Variants in CTNND2 observed in about 807,000 individuals in gnomAD.
CTNND2 encodes catenin delta-2.
A neutral mutation model predicts 144.4 loss-of-function variants in CTNND2; 22 were observed. The ratio of observed to expected loss-of-function variants is 0.15; its 90% CI spans 0.11 to 0.22. The LOEUF (loss-of-function observed/expected upper bound fraction) is 0.22, where lower values mean the gene tolerates loss of function less well. CTNND2 is among the 10% of genes least tolerant of loss of function. The pLI, the probability that CTNND2 is intolerant of heterozygous loss-of-function variation, is 1.00. For missense variants in CTNND2, 1,353 were observed against 1,618.8 expected (o/e 0.84, Z 2.82); for synonymous variants, 751 against 695.6 (o/e 1.08, Z -1.25).
At chr5:11,250,491 C>CTCTCTCTATATATA (rs869141186) in intron 9 of CTNND2, among the ~76,000 whole-genome samples, 119 of 64,082 alleles carry the variant, frequency 1.9e-3, no homozygotes, top group African/African-American at 7.3e-3. Flanking sequence ...CTCTCTCTCT[C>CTCTCTCTATATATA]TATATATATA....
At chr5:11,079,114 T>C (rs1481269655) in intron 16 of CTNND2, among the ~76,000 whole-genome samples, 3 of 152,246 alleles carry the variant, frequency 2.0e-5, no homozygotes, top group Non-Finnish European at 4.4e-5. Flanking sequence ...TACCACTATC[T>C]GTAATTTGGA....
At chr5:11,299,535 A>G (rs1197483448) in intron 9 of CTNND2, among the ~76,000 whole-genome samples, 1 of 152,142 alleles carries the variant, frequency 6.6e-6, no homozygotes, top group Non-Finnish European at 1.5e-5. Context: ...CACCTCTCAC[A>G]GGCCCTCTGA....
intron 1 of CTNND2, among the ~76,000 whole-genome samples, chr5:11,807,597 G>A (rs1171149938): frequency 6.6e-6 from 1 of 152,096 alleles, no homozygotes; most frequent in Non-Finnish European, 1.5e-5. Flanking sequence ...TTGGCAATCT[G>A]GAAAAAATGT....
chr5:11,003,340 A>G (rs1286571180), intron 18 of CTNND2, among the ~76,000 whole-genome samples: 1 of 152,212 alleles, frequency 6.6e-6, no homozygotes, highest in Non-Finnish European at 1.5e-5. Context: ...TATTTTTCAG[A>G]TGAAAGTCAA....
intron 3 of CTNND2, among the ~76,000 whole-genome samples, chr5:11,500,319 A>T (rs1338534377): frequency 6.6e-6 from 1 of 152,214 alleles, no homozygotes; most frequent in Non-Finnish European, 1.5e-5. Context: ...GCTTAAAATA[A>T]AGCTCATTTC....
chr5:11,317,566 T>C (rs1227637191), intron 9 of CTNND2, among the ~76,000 whole-genome samples: 1 of 152,246 alleles, frequency 6.6e-6, no homozygotes, highest in East Asian at 1.9e-4. Flanking sequence ...ATATTTCTTG[T>C]GTTAATTATA....
intron 1 of CTNND2, among the ~76,000 whole-genome samples, chr5:11,807,737 C>T (rs540770123): frequency 7.2e-5 from 11 of 152,268 alleles, no homozygotes; most frequent in African/African-American, 1.2e-4. Context: ...CTAAGACGCA[C>T]GGACAGAGGC....
At chr5:11,062,227 C>CA (rs35652085) in intron 16 of CTNND2, among the ~76,000 whole-genome samples, 3,820 of 152,258 alleles carry the variant, frequency 0.025, 87 homozygotes, top group Middle Eastern at 0.065. Flanking sequence ...CATATTTTGC[C>CA]AACTGTATTA....
At chr5:11,178,828 C>T (rs1303312777) in intron 11 of CTNND2, among the ~76,000 whole-genome samples, 2 of 152,142 alleles carry the variant, frequency 1.3e-5, no homozygotes, top group African/African-American at 4.8e-5. Context: ...ACCAGGAAGA[C>T]ATATACAATA....
chr5:11,139,533 C>G (rs1756500992), intron 12 of CTNND2, among the ~76,000 whole-genome samples: 1 of 152,136 alleles, frequency 6.6e-6, no homozygotes, highest in Admixed American at 6.5e-5. Flanking sequence ...GATAGAAGAG[C>G]CTGGGTTGAA....
At chr5:11,084,130 G>A (rs912693999) in intron 15 of CTNND2, among the ~76,000 whole-genome samples, 4 of 152,230 alleles carry the variant, frequency 2.6e-5, no homozygotes, top group African/African-American at 9.6e-5. Flanking sequence ...GCTCACTAAA[G>A]CATCTCTTGG....
chr5:11,384,624 C>T lies in CTNND2; in HGVS notation c.1177+41G>A, dbSNP rs1277684727. ...GGCTGCTGCTTCCGCGTCCCCGCCA[C>T]GCGCCCAGGTGAGTCGCGCCAGGTG... On this transcript the variant is annotated intron_variant, in intron 7 of 21. Transcript: ENST00000304623. The surrounding 1 kb of genome is among the most constrained non-coding windows in gnomAD (Gnocchi z 5.2). 4 of 1,546,528 alleles carry T rather than the reference C, an allele frequency of 2.6e-6. No homozygotes were observed. Among genetic ancestry groups the T allele is most frequent in the Non-Finnish European group, 3.5e-6 (4 of 1,150,820 alleles).
intron 9 of CTNND2, among the ~76,000 whole-genome samples, chr5:11,311,850 T>G (rs1750926911): frequency 1.2e-5 from 1 of 86,360 alleles, no homozygotes; most frequent in Non-Finnish European, 2.4e-5. Context: ...CCATACACCC[T>G]CACCCCACAC....
intron 9 of CTNND2, among the ~76,000 whole-genome samples, chr5:11,312,675 C>T (rs539045142): frequency 4.3e-5 from 1 of 23,060 alleles, no homozygotes; most frequent in Non-Finnish European, 2.1e-4. Flanking sequence ...CCCACATGCA[C>T]ACTCACACAC....
At chr5:11,563,119 T>C (rs183808339) in intron 3 of CTNND2, among the ~76,000 whole-genome samples, 1 of 152,338 alleles carries the variant, frequency 6.6e-6, no homozygotes, top group Admixed American at 6.5e-5. Context: ...CCATTTACAA[T>C]ACAACCAGGA....
At chr5:11,329,440 C>A (rs1361544241) in intron 9 of CTNND2, among the ~76,000 whole-genome samples, 1 of 152,218 alleles carries the variant, frequency 6.6e-6, no homozygotes, top group Non-Finnish European at 1.5e-5. Flanking sequence ...TAGGTGGAAG[C>A]CACCATGCCT....
chr5:11,441,368 ATTTTTTTTTTTT>A (rs774610481), intron 3 of CTNND2, among the ~76,000 whole-genome samples: 1 of 98,758 alleles, frequency 1.0e-5, no homozygotes, highest in Non-Finnish European at 2.0e-5. Flanking sequence ...CCAATGTGGG[ATTTTTTTTTTTT>A]TTTTTTTTTT....
At chr5:11,680,796 A>G (rs1784391305) in intron 2 of CTNND2, among the ~76,000 whole-genome samples, 1 of 152,106 alleles carries the variant, frequency 6.6e-6, no homozygotes, top group Admixed American at 6.5e-5. Context: ...TGGACAACAA[A>G]CCAACAGGCT....
chr5:11,274,216 A>G (rs529654732), intron 9 of CTNND2, among the ~76,000 whole-genome samples: 1 of 152,332 alleles, frequency 6.6e-6, no homozygotes, highest in African/African-American at 2.4e-5. Context: ...CCTAGAAGTA[A>G]TATTTTACAA....
Sources: allele counts gnomAD v4.1 joint callset (sites outside exome capture counted in the v4.1 genomes callset), GRCh38; gene constraint gnomAD v4.1.1; non-coding constraint Gnocchi (gnomAD v3.1); transcripts MANE v1.5; gene names NCBI Gene and HGNC (gene_info 2026-07-23, HGNC 2026-07-21).